The following GALNT17 variants were observed in gnomAD, a reference collection of about 807,000 sequenced individuals.
The protein encoded by GALNT17 is UDP-GalNAc:polypeptide N-acetylgalactosaminyltransferase-like 3.
A neutral mutation model predicts 63.7 loss-of-function variants in GALNT17; 29 were observed. The ratio of observed to expected loss-of-function variants is 0.46; its 90% CI spans 0.34 to 0.62. GALNT17 has a LOEUF of 0.62. Ranked by LOEUF, GALNT17 falls within the 20% of genes least tolerant of loss-of-function variation. GALNT17 has a pLI of 0.01. For missense variants in GALNT17, 603 were observed against 799.6 expected, an observed-to-expected ratio of 0.75 and a Z score of 2.97; for synonymous variants, 305 against 318.3, an observed-to-expected ratio of 0.96 and a Z score of 0.45.
chr7:71,318,322 A>T (rs1046168400), intron 1 of GALNT17, among the ~76,000 whole-genome samples: 5 of 152,100 alleles, frequency 3.3e-5, no homozygotes, highest in African/African-American at 1.2e-4. Flanking sequence ...AGACACAGTC[A>T]TGTCATTCCA....
chr7:71,441,270 C>T (rs942513147), intron 5 of GALNT17, among the ~76,000 whole-genome samples: 4 of 152,106 alleles, frequency 2.6e-5, no homozygotes, highest in African/African-American at 7.2e-5. Flanking sequence ...ATCCACCCAC[C>T]TTGGCCTCCC....
chr7:71,357,124 A>G (rs1199229699), intron 2 of GALNT17, among the ~76,000 whole-genome samples: 1 of 151,856 alleles, frequency 6.6e-6, no homozygotes, highest in Non-Finnish European at 1.5e-5. Context: ...GATAGGGAAT[A>G]TGTTGTGTCA....
Position 71,139,470 on chromosome 7 carries a change from T to C in GALNT17, c.238+6430T>C, listed in dbSNP as rs150054234. ...ATAGAAGTGGAGTTGCTTAAAGAAA[T>C]TGAAAATCTTTGTAGAAATGGAGAG... On this transcript the variant is annotated intron_variant, in intron 1 of 10. Transcript: ENST00000333538. Among the ~76,000 whole-genome samples, 11 of 152,212 alleles carry C rather than the reference T, an allele frequency of 7.2e-5. No homozygotes were observed. The East Asian group carries it at 2.1e-3, about 29-fold the overall frequency.
At chr7:71,701,214 C>T (rs1340125771) in intron 9 of GALNT17, among the ~76,000 whole-genome samples, 1 of 152,132 alleles carries the variant, frequency 6.6e-6, no homozygotes, top group Non-Finnish European at 1.5e-5. Context: ...TGGCCGGTCA[C>T]GATGGCTCAC....
intron 6 of GALNT17, among the ~76,000 whole-genome samples, chr7:71,654,855 C>T (rs953726227): frequency 2.0e-4 from 31 of 152,156 alleles, no homozygotes; most frequent in African/African-American, 7.0e-4. Context: ...GTGGCACGAT[C>T]TCGGCTCACT....
chr7:71,412,075 G>A (rs973440228), intron 3 of GALNT17, among the ~76,000 whole-genome samples: 7 of 152,120 alleles, frequency 4.6e-5, no homozygotes, highest in African/African-American at 7.2e-5. Context: ...TTGGAGTCCC[G>A]TCTGTACCGC....
intron 2 of GALNT17, among the ~76,000 whole-genome samples, chr7:71,364,368 C>G (rs1032724189): frequency 6.6e-6 from 1 of 152,124 alleles, no homozygotes; most frequent in Non-Finnish European, 1.5e-5. Context: ...GATGGAGTGT[C>G]TCGCTTCAGT....
At chr7:71,163,999 A>ACCAATGG (rs1788392801) in intron 1 of GALNT17, among the ~76,000 whole-genome samples, 1 of 152,224 alleles carries the variant, frequency 6.6e-6, no homozygotes, top group Non-Finnish European at 1.5e-5. Context: ...GTACTCTAGA[A>ACCAATGG]CCAATGGATT....
chr7:71,138,347 G>GA (rs1288750561), intron 1 of GALNT17, among the ~76,000 whole-genome samples: 1 of 151,928 alleles, frequency 6.6e-6, no homozygotes, highest in African/African-American at 2.4e-5. Context: ...ATGTGGAAGA[G>GA]AAAATATATT....
chr7:71,290,929 C>T (rs56166024), intron 1 of GALNT17, among the ~76,000 whole-genome samples: 40,362 of 152,018 alleles, frequency 0.27, 6,080 homozygotes, highest in East Asian at 0.48. Context: ...CGACATCACT[C>T]ACCTTCTCCG....
intron 1 of GALNT17, among the ~76,000 whole-genome samples, chr7:71,164,286 A>G (rs1009497045): frequency 6.6e-6 from 1 of 152,234 alleles, no homozygotes; most frequent in Non-Finnish European, 1.5e-5. Flanking sequence ...ACTTACATTC[A>G]TGGTGGAAGC....
chr7:71,505,620 C>T (rs1206694725), intron 5 of GALNT17, among the ~76,000 whole-genome samples: 1 of 152,114 alleles, frequency 6.6e-6, no homozygotes, highest in Non-Finnish European at 1.5e-5. Context: ...GTCAGCTCTC[C>T]TGGAGAACCT....
chr7:71,632,914 G>T (rs185668769), intron 6 of GALNT17, among the ~76,000 whole-genome samples: 1 of 152,000 alleles, frequency 6.6e-6, no homozygotes, highest in Non-Finnish European at 1.5e-5. Flanking sequence ...GATCAGCATG[G>T]CCAACATAGC....
chr7:71,538,362 A>G (rs1788833586), intron 5 of GALNT17, among the ~76,000 whole-genome samples: 1 of 152,054 alleles, frequency 6.6e-6, no homozygotes. Context: ...CAGCCCATAA[A>G]CCAGCGGCAC....
At chr7:71,480,290 C>T (rs753885348) in intron 5 of GALNT17, among the ~76,000 whole-genome samples, 30 of 149,428 alleles carry the variant, frequency 2.0e-4, no homozygotes, top group Admixed American at 7.4e-4. Flanking sequence ...CTCAGCCTCC[C>T]GAGTAACTGT....
chr7:71,336,433 G>C lies in GALNT17; in HGVS notation c.422+700G>C, dbSNP rs189141411. 3.3e-5 allele frequency among the ~76,000 whole-genome samples: 5 copies of C among 152,206 alleles called. No individual in the cohort carries two copies. The East Asian group carries it at 5.8e-4, about 18-fold the overall frequency. ...TAATTGCATGTCACAGGGGTTCAGCGTACAGATCATTTCATCTCCCAGATA... is the reference window on the plus strand; with the variant it reads ...TAATTGCATGTCACAGGGGTTCAGCCTACAGATCATTTCATCTCCCAGATA... On this transcript the variant is annotated intron_variant, in intron 2 of 10. Coordinates refer to ENST00000333538, the MANE Select transcript of GALNT17 (RefSeq NM_022479.3).
intron 6 of GALNT17, among the ~76,000 whole-genome samples, chr7:71,629,931 A>C (rs1790431139): frequency 6.6e-6 from 1 of 151,142 alleles, no homozygotes; most frequent in African/African-American, 2.4e-5. Context: ...CAAAGTCACC[A>C]GGTTCACAAT....
At chr7:71,229,744 G>T (rs1310133274) in intron 1 of GALNT17, among the ~76,000 whole-genome samples, 1 of 152,182 alleles carries the variant, frequency 6.6e-6, no homozygotes, top group Non-Finnish European at 1.5e-5. Context: ...GCCAGCCCTA[G>T]TCCCATCTGA....
At chr7:71,204,805 G>A (rs1320074243) in intron 1 of GALNT17, among the ~76,000 whole-genome samples, 1 of 152,074 alleles carries the variant, frequency 6.6e-6, no homozygotes, top group Non-Finnish European at 1.5e-5. Context: ...GAGTACAGTG[G>A]CACGATCTTG....
Sources: allele counts gnomAD v4.1 joint callset (sites outside exome capture counted in the v4.1 genomes callset), GRCh38; gene constraint gnomAD v4.1.1; transcripts MANE v1.5; gene names NCBI Gene and HGNC (gene_info 2026-07-23, HGNC 2026-07-21).